LRP5: variants seen among roughly 807,000 people sequenced by gnomAD.
The protein encoded by LRP5 is LDL receptor related protein 5, also known as low-density lipoprotein receptor-related protein 5.
Under a neutral mutation model 154.1 loss-of-function variants are expected in LRP5, and 62 were observed. The observed-to-expected ratio is 0.40, with a 90% CI of 0.33 to 0.50. The LOEUF is 0.50. LRP5 is among the 20% of genes least tolerant of loss of function. The pLI is 0.55. For missense variants in LRP5, 1,915 were observed against 2,336.7 expected (o/e 0.82, Z 3.72); for synonymous variants, 966 against 1,011.5 (o/e 0.96, Z 0.85).
chr11:68,299,227 G>T, the LRP5 span, among the ~76,000 whole-genome samples: 1 of 152,208 alleles, frequency 6.6e-6, no homozygotes, highest in Non-Finnish European at 1.5e-5. Context: ...AAGCTGGAGG[G>T]AAGGGGCACG....
intron 22 of LRP5, chr11:68,446,905 C>G: frequency 2.8e-6 from 1 of 357,388 alleles, no homozygotes; most frequent in Admixed American, 3.8e-5. Context: ...GATGCCCCCT[C>G]TTGGTGGCTC....
chr11:68,326,030 A>G (rs1390605772), intron 1 of LRP5, among the ~76,000 whole-genome samples: 1 of 152,170 alleles, frequency 6.6e-6, no homozygotes, highest in African/African-American at 2.4e-5. Context: ...AGCTCTGCAT[A>G]GTGTGGCCTG....
chr11:68,426,563 G>A (rs1490080947), intron 16 of LRP5, among the ~76,000 whole-genome samples: 1 of 151,944 alleles, frequency 6.6e-6, no homozygotes, highest in Non-Finnish European at 1.5e-5. Flanking sequence ...AGGTAGCTGG[G>A]ACTACAGGTG....
chr11:68,341,095 C>A (rs959695599), intron 1 of LRP5, among the ~76,000 whole-genome samples: 7 of 93,980 alleles, frequency 7.4e-5, no homozygotes, highest in African/African-American at 3.3e-4. Context: ...ACAAATAAGG[C>A]CTCAGCAAAT....
chr11:68,365,487 G>A (rs1591232074), intron 4 of LRP5, 84 bp from the exon 5 acceptor site: 4 of 1,602,288 alleles, frequency 2.5e-6, no homozygotes, highest in Admixed American at 3.3e-5. Context: ...GCTGTCACGG[G>A]GGACGAGGCA....
chr11:68,315,769 C>A (rs1289640285), intron 1 of LRP5, among the ~76,000 whole-genome samples: 1 of 152,164 alleles, frequency 6.6e-6, no homozygotes, highest in Non-Finnish European at 1.5e-5. Context: ...ACGGGTGCTC[C>A]TTCACCCTCG....
intron 1 of LRP5, among the ~76,000 whole-genome samples, chr11:68,332,619 G>T (rs1384912522): frequency 6.6e-6 from 1 of 152,218 alleles, no homozygotes; most frequent in African/African-American, 2.4e-5. Context: ...GACCAGGGAG[G>T]GTTTTTAGGG....
rs538085536 is a variant in LRP5 at position 68,388,555 on chromosome 11, C to G, written c.1413-1326C>G. Among the ~76,000 whole-genome samples, 10 of 152,166 alleles carry G rather than the reference C, an allele frequency of 6.6e-5. No individual in the cohort carries two copies. The South Asian group carries it at 2.1e-3, about 32-fold the overall frequency. ...GGGCCTCAGAACCTTCACCCCTGAG[C>G]TGCCACCCCAGGATCTGGGTTCCCT... is the stretch of plus-strand genomic sequence containing the variant. On this transcript the variant is annotated intron_variant, in intron 6 of 22. Transcript: ENST00000294304.
the LRP5 span, among the ~76,000 whole-genome samples, chr11:68,299,585 C>CT: frequency 0.032 from 3,698 of 115,054 alleles, 108 homozygotes; most frequent in Non-Finnish European, 0.04. Context: ...AAGGGCCAGT[C>CT]TTTTTTTTTT....
chr11:68,364,623 C>A (rs1025326674), intron 4 of LRP5, among the ~76,000 whole-genome samples: 4 of 152,154 alleles, frequency 2.6e-5, no homozygotes, highest in Non-Finnish European at 5.9e-5. Flanking sequence ...TGGGGAAATG[C>A]ACCAGCTTCT....
intron 5 of LRP5, among the ~76,000 whole-genome samples, chr11:68,381,969 C>T (rs1190349120): frequency 2.0e-5 from 3 of 152,232 alleles, no homozygotes; most frequent in Non-Finnish European, 2.9e-5. Context: ...TCCCTGCTGG[C>T]CTGGCTGGAC....
intron 1 of LRP5, among the ~76,000 whole-genome samples, chr11:68,325,155 T>C (rs1464012412): frequency 6.6e-6 from 1 of 152,238 alleles, no homozygotes; most frequent in Non-Finnish European, 1.5e-5. Flanking sequence ...ACCAGTGATC[T>C]GATCTCACCA....
intron 21 of LRP5, among the ~76,000 whole-genome samples, chr11:68,444,583 C>G (rs958727791): frequency 8.8e-5 from 11 of 124,734 alleles, no homozygotes; most frequent in East Asian, 5.9e-4. Context: ...CCCCACCCCC[C>G]ACCCTGGGCC....
chr11:68,376,188 T>G (rs1483579389), intron 5 of LRP5, among the ~76,000 whole-genome samples: 1 of 147,808 alleles, frequency 6.8e-6, no homozygotes, highest in Non-Finnish European at 1.5e-5. Context: ...TTTTTTTTTT[T>G]TTTTTTTAAT....
chr11:68,446,631 G>A, intron 22 of LRP5, 98 bp downstream of exon 22: 1 of 1,084,422 alleles, frequency 9.2e-7, no homozygotes, highest in Non-Finnish European at 1.4e-6. Context: ...GAGGTATTCT[G>A]GGTGCTAGTG....
At chr11:68,433,499 G>A (rs561598954) in intron 17 of LRP5, 103 bp from the exon 18 acceptor site, 43 of 1,036,166 alleles carry the variant, frequency 4.1e-5, no homozygotes, top group African/African-American at 3.6e-4. Flanking sequence ...TGCCAAACCC[G>A]CGCTGAGTCC....
chr11:68,409,226 T>C (rs887189907), intron 9 of LRP5, among the ~76,000 whole-genome samples: 3 of 60,460 alleles, frequency 5.0e-5, no homozygotes, highest in Admixed American at 2.0e-4. Context: ...TAATATATAA[T>C]ATAAAATATA....
intron 7 of LRP5, among the ~76,000 whole-genome samples, chr11:68,391,477 T>C (rs1392305561): frequency 6.6e-6 from 1 of 152,178 alleles, no homozygotes; most frequent in Non-Finnish European, 1.5e-5. Flanking sequence ...TCCTCAGGGC[T>C]CCCAGGGGAG....
rs1287793271 is a variant in LRP5 at position 68,347,999 on chromosome 11, G to A, written c.244G>A (p.Val82Met). 10 of 1,614,064 alleles carry A rather than the reference G, an allele frequency of 6.2e-6. No homozygotes were observed. Among genetic ancestry groups the A allele is most frequent in the East Asian group, 4.5e-5 (2 of 44,888 alleles). Residue 82 changes from valine (V) to methionine (M), a missense_variant, in exon 2 of 23, where the codon GTG (valine) becomes ATG (methionine). Coordinates refer to ENST00000294304, the MANE Select transcript of LRP5 (RefSeq NM_002335.4). ...FSKGAVYWTD[V>M]SEEAIKQTYL... ...CAAGGGAGCCGTGTACTGGACAGAC[G>A]TGAGCGAGGAGGCCATCAAGCAGAC...
Sources: allele counts gnomAD v4.1 joint callset (sites outside exome capture counted in the v4.1 genomes callset), GRCh38; gene constraint gnomAD v4.1.1; transcripts MANE v1.5; gene names NCBI Gene and HGNC (gene_info 2026-07-23, HGNC 2026-07-21).